The following NME8 variants were observed in gnomAD, a reference collection of about 807,000 sequenced individuals.
NME8 encodes protein NME8.
A neutral mutation model predicts 82.3 loss-of-function variants in NME8; 72 were observed. That is an observed-to-expected ratio of 0.87 (90% CI 0.72 to 1.06). NME8 has a LOEUF of 1.06. Ranked by LOEUF, NME8 falls within the 50% of genes least tolerant of loss-of-function variation. The probability of loss-of-function intolerance (pLI) is 0.00; values close to 1 mark genes in which losing one functional copy is unlikely to be tolerated. For synonymous variants in NME8, 267 were observed against 228.5 expected, an observed-to-expected ratio of 1.17 and a Z score of -1.52; for missense variants, 712 against 685.4, an observed-to-expected ratio of 1.04 and a Z score of -0.43.
chr7:37,858,175 G>A (rs1784541181), intron 6 of NME8, among the ~76,000 whole-genome samples: 1 of 152,206 alleles, frequency 6.6e-6, no homozygotes, highest in South Asian at 2.1e-4. Context: ...CAGAGTTCGA[G>A]AACTGAGACA....
chr7:37,899,854 C>G (rs955767382), intron 17 of NME8, among the ~76,000 whole-genome samples: 3 of 152,094 alleles, frequency 2.0e-5, no homozygotes, highest in Non-Finnish European at 4.4e-5. Context: ...CAGGCCACCC[C>G]ACAACCCTCG....
At chr7:37,897,136 T>TATTTTAAG in intron 17 of NME8, 29 bp downstream of exon 17, 1 of 1,390,142 alleles carries the variant, frequency 7.2e-7, no homozygotes, top group African/African-American at 1.4e-5. Context: ...ATTATTTTAT[T>TATTTTAAG]TTATTTGCTT....
At position 37,889,844 on chromosome 7, in the gene NME8, G is replaced by T. The variant is rs146469522; in HGVS notation, c.1399+1416G>T. Among the ~76,000 whole-genome samples, 1,213 of 151,990 alleles carry T rather than the reference G, an allele frequency of 8.0e-3. 23 individuals are homozygous for T. The highest frequency in any genetic ancestry group is 0.028 in the African/African-American group (1,148 of 41,522). On this transcript the variant is annotated intron_variant, in intron 15 of 17. Transcript: ENST00000199447. ...CCAGCCTTACAGTTTGATTCATCTT[G>T]ATTTATTTTTCCCCAACTTGATCTG...
chr7:37,867,766 A>G lies in NME8; in HGVS notation c.686A>G (p.Gln229Arg), dbSNP rs1280442318. The G allele has an allele frequency of 6.2e-7, 1 of 1,613,126 alleles. No individual in the cohort carries two copies. The highest frequency in any genetic ancestry group is 1.7e-5 in the Admixed American group (1 of 59,998). Residue 229 changes from glutamine (Q) to arginine (R), a missense_variant, in exon 11 of 18, where the codon CAA becomes CGA. Coordinates refer to ENST00000199447, the MANE Select transcript of NME8 (RefSeq NM_016616.5). ...TTAAGCTATATTCTAGTTGTATCTC[A>G]AGGAAGTAAACACAATCCTCCCTCT... Reference protein sequence around the residue: ...SGLSYILVVSQGSKHNPPSEE... With the variant: ...SGLSYILVVSRGSKHNPPSEE...
chr7:37,869,102 T>G (rs775457682), intron 11 of NME8, among the ~76,000 whole-genome samples: 2 of 152,226 alleles, frequency 1.3e-5, no homozygotes, highest in Non-Finnish European at 2.9e-5. Flanking sequence ...CTATCCAGAA[T>G]GTCCCTTGTT....
At chr7:37,864,243 A>G in intron 8 of NME8, 105 bp from the exon 9 acceptor site, 1 of 1,380,830 alleles carries the variant, frequency 7.2e-7, no homozygotes, top group Non-Finnish European at 1.0e-6. Flanking sequence ...ATGGGCAACA[A>G]TTAACTGATC....
chr7:37,888,137 A>G (rs1686885165), intron 14 of NME8, 140 bp from the exon 15 acceptor site: 3 of 795,300 alleles, frequency 3.8e-6, no homozygotes, highest in South Asian at 2.9e-5. Context: ...CTAAGCCGCC[A>G]TGTACTTACT....
chr7:37,856,383 G>T (rs945026435), intron 5 of NME8, among the ~76,000 whole-genome samples: 1 of 152,118 alleles, frequency 6.6e-6, no homozygotes, highest in African/African-American at 2.4e-5. Context: ...GGAGAAGAGG[G>T]CCTTCACTTC....
At chr7:37,851,122 A>G (rs1653551528) in intron 5 of NME8, among the ~76,000 whole-genome samples, 2 of 152,216 alleles carry the variant, frequency 1.3e-5, no homozygotes, top group African/African-American at 2.4e-5. Flanking sequence ...TTCCAGTGGC[A>G]ATGATTTTTC....
chr7:37,878,202 G>T (rs1291533091), intron 12 of NME8, among the ~76,000 whole-genome samples: 3 of 152,040 alleles, frequency 2.0e-5, no homozygotes, highest in Non-Finnish European at 4.4e-5. Flanking sequence ...CAATTTTTTT[G>T]TATCTATTGA....
intron 6 of NME8, among the ~76,000 whole-genome samples, chr7:37,861,193 T>G (rs1196493434): frequency 6.6e-6 from 1 of 152,216 alleles, no homozygotes; most frequent in African/African-American, 2.4e-5. Context: ...GAAGACTGAA[T>G]CCCTGGCCCA....
chr7:37,894,471 A>G lies in NME8; in HGVS notation c.1405A>G (p.Ile469Val). Residue 469 changes from isoleucine (I) to valine (V), a missense_variant, in exon 16 of 18, where the codon ATC (isoleucine) becomes GTC (valine). Transcript: ENST00000199447. ...CAAATATTTGTTTTTCTTAGAGCAG[A>G]TCCTGAAGATAGTTAAGGAGGCTGG... ...PHATSEQREQILKIVKEAGFD... is the reference protein window; with the variant it reads ...PHATSEQREQVLKIVKEAGFD... The G allele has an allele frequency of 6.2e-7, 1 of 1,612,778 alleles. No homozygotes were observed. Among genetic ancestry groups the G allele is most frequent in the Non-Finnish European group, 8.5e-7 (1 of 1,179,064 alleles).
chr7:37,891,546 T>A (rs1267848963), intron 15 of NME8, among the ~76,000 whole-genome samples: 2 of 152,014 alleles, frequency 1.3e-5, no homozygotes, highest in African/African-American at 4.8e-5. Context: ...TTACTGTTGT[T>A]CTTCTCTGTG....
chr7:37,864,467 AAC>A, intron 9 of NME8, 46 bp downstream of exon 9: 1 of 1,352,432 alleles, frequency 7.4e-7, no homozygotes, highest in Non-Finnish European at 9.9e-7. Flanking sequence ...GCAAAATAAC[AAC>A]CTCTTAATCG....
At position 37,894,555 on chromosome 7, in the gene NME8, T is replaced by A. The variant is rs776392517; in HGVS notation, c.1489T>A (p.Tyr497Asn). ...AACTCCTGAGCAAATAGAGAAAATT[T>A]ATCCAAAAGTAACAGGAAAAGACTT... The part of the protein sequence containing the change: ...FLTPEQIEKI[Y>N]PKVTGKDFYK... The change falls in exon 16 of 18, where the codon TAT becomes AAT. Residue 497 changes from tyrosine to asparagine, a missense_variant. Coordinates refer to ENST00000199447, the MANE Select transcript of NME8 (RefSeq NM_016616.5). 20 of 1,607,942 alleles carry A rather than the reference T, an allele frequency of 1.2e-5. No individual in the cohort carries two copies. The South Asian group carries it at 2.2e-4, about 18-fold the overall frequency.
intron 15 of NME8, among the ~76,000 whole-genome samples, chr7:37,893,545 T>A (rs954057527): frequency 6.6e-6 from 1 of 152,122 alleles, no homozygotes; most frequent in Admixed American, 6.6e-5. Context: ...TTACTCACTC[T>A]GCCTGCAATG....
Position 37,896,960 on chromosome 7 carries a change from A to G in NME8, c.1635A>G (p.Lys545=), listed in dbSNP as rs747659508. 1.9e-6 allele frequency: 3 copies of G among 1,613,902 alleles called. No individual in the cohort carries two copies. The highest frequency in any genetic ancestry group is 1.1e-5 in the South Asian group (1 of 91,078). ...GCCCAACAGACCCAGAAGAAGCAAA[A>G]TTACTTTCCCCTGACTCCATCCGAG... ...LMGPTDPEEA[K]LLSPDSIRAQ... The change falls in exon 17 of 18, where the codon AAA becomes AAG. Residue 545 remains lysine (K), a synonymous_variant. Coordinates refer to ENST00000199447, the MANE Select transcript of NME8 (RefSeq NM_016616.5).
chr7:37,874,624 C>A (rs542789497), intron 11 of NME8, among the ~76,000 whole-genome samples: 52 of 151,878 alleles, frequency 3.4e-4, no homozygotes, highest in Non-Finnish European at 6.3e-4. Flanking sequence ...AAAGAAGAAA[C>A]CTCAATTTAA....
At chr7:37,857,420 A>G in intron 6 of NME8, 75 bp downstream of exon 6, 2 of 964,506 alleles carry the variant, frequency 2.1e-6, no homozygotes, top group South Asian at 1.4e-5. Flanking sequence ...TTGTAAAATT[A>G]CCATGAAATT....
Sources: allele counts gnomAD v4.1 joint callset (sites outside exome capture counted in the v4.1 genomes callset), GRCh38; gene constraint gnomAD v4.1.1; transcripts MANE v1.5; gene names NCBI Gene and HGNC (gene_info 2026-07-23, HGNC 2026-07-21).